The following HNRNPUL1 variants were observed in gnomAD, a reference collection of about 807,000 sequenced individuals.
HNRNPUL1 encodes heterogeneous nuclear ribonucleoprotein U-like protein 1.
In HNRNPUL1, 14 loss-of-function variants were observed where a neutral mutation model predicts 108.5. That is an observed-to-expected ratio of 0.13 (90% CI 0.09 to 0.20). The LOEUF is 0.20. Ranked by LOEUF, HNRNPUL1 falls within the 10% of genes least tolerant of loss-of-function variation. HNRNPUL1 has a pLI of 1.00. For missense variants in HNRNPUL1, 804 were observed against 1,168.3 expected (o/e 0.69, Z 4.55); for synonymous variants, 422 against 445.2 (o/e 0.95, Z 0.66).
Position 41,294,809 on chromosome 19 carries a change from G to C in HNRNPUL1, c.1518+123G>C. Reference sequence around the variant, plus strand: ...GATGATGGACTGCTGTGCTAGTCGGGGGGGTCAGACCTTGTCATACATGAT... The same window carrying C: ...GATGATGGACTGCTGTGCTAGTCGGCGGGGTCAGACCTTGTCATACATGAT... On this transcript the variant is annotated intron_variant, in intron 10 of 14. Coordinates refer to ENST00000392006, the MANE Select transcript of HNRNPUL1 (RefSeq NM_007040.6). The surrounding 1 kb of genome is among the most constrained non-coding windows in gnomAD (Gnocchi z 4.3). The C allele has an allele frequency of 8.3e-7, 1 of 1,200,772 alleles. No homozygotes were observed. The highest frequency in any genetic ancestry group is 1.2e-6 in the Non-Finnish European group (1 of 842,450). The allele number at this position is 1,200,772 out of a possible 1,614,324, so 74.4% of individuals were successfully genotyped here.
At chr19:41,297,804 C>A (rs2036976982) in intron 10 of HNRNPUL1, among the ~76,000 whole-genome samples, 1 of 152,188 alleles carries the variant, frequency 6.6e-6, no homozygotes, top group South Asian at 2.1e-4. Flanking sequence ...TCATTTGCAT[C>A]CTGGTCAGCA....
In HNRNPUL1 at chr19:41,306,823, T is replaced by A; in HGVS notation, c.*258T>A. ...CCCACCTCCCCAGCCTTCCACCTCC[T>A]GTTCTTCCTACCTTCTTCCTTTTTG... On this transcript the variant is annotated 3_prime_UTR_variant, in exon 15 of 15. Coordinates refer to ENST00000392006, the MANE Select transcript of HNRNPUL1 (RefSeq NM_007040.6). 1 of 328,054 alleles carries A rather than the reference T, an allele frequency of 3.0e-6. No homozygotes were observed. Among genetic ancestry groups the A allele is most frequent in the Non-Finnish European group, 5.6e-6 (1 of 179,198 alleles). 20.3% of individuals were successfully genotyped at this position (328,054 alleles called of 1,614,324 possible).
At position 41,304,042 on chromosome 19, in the gene HNRNPUL1, C is replaced by T. The variant is rs140483335; in HGVS notation, c.2043C>T (p.Asn681=). 172 of 1,613,972 alleles carry T rather than the reference C, an allele frequency of 1.1e-4. No homozygotes were observed. In the African/African-American group the frequency reaches 1.9e-3, roughly 18 times the overall value. ...GTAACAACAACCGGGATAACAACAACTCCAACAACAGAGGCAGCTACAACC... is the reference window on the plus strand; with the variant it reads ...GTAACAACAACCGGGATAACAACAATTCCAACAACAGAGGCAGCTACAACC... The part of the protein sequence containing the change: ...RWGNNNRDNN[N]SNNRGSYNRA... Residue 681 remains asparagine, a synonymous_variant, in exon 13 of 15, where the codon AAC becomes AAT. Coordinates refer to ENST00000392006, the MANE Select transcript of HNRNPUL1 (RefSeq NM_007040.6).
intron 2 of HNRNPUL1, among the ~76,000 whole-genome samples, chr19:41,271,769 C>A (rs1162136913): frequency 3.3e-5 from 5 of 152,110 alleles, no homozygotes; most frequent in Admixed American, 3.3e-4. Flanking sequence ...ACCACAGTAC[C>A]CTGTTGAATT....
chr19:41,285,059 A>G (rs78749085), intron 7 of HNRNPUL1, among the ~76,000 whole-genome samples: 1,686 of 152,180 alleles, frequency 0.011, 20 homozygotes, highest in Non-Finnish European at 0.017. Context: ...AAGTCATTAT[A>G]TATGACAACA....
chr19:41,283,793 G>A lies in HNRNPUL1; in HGVS notation c.999+2518G>A, dbSNP rs539684941. On this transcript the variant is annotated intron_variant, in intron 7 of 14. Coordinates refer to ENST00000392006, the MANE Select transcript of HNRNPUL1 (RefSeq NM_007040.6). Reference sequence around the variant, plus strand: ...TTTTTAGTAGAGATGGGGTTTCACCGTGTTGGCCAAGCTGGTCTTGAACTC... The same window carrying A: ...TTTTTAGTAGAGATGGGGTTTCACCATGTTGGCCAAGCTGGTCTTGAACTC... Among the ~76,000 whole-genome samples the A allele has an allele frequency of 5.7e-4, 86 of 152,156 alleles. 1 individual carries two copies. The highest frequency in any genetic ancestry group is 1.1e-3 in the Non-Finnish European group (76 of 67,984).
chr19:41,285,250 A>G (rs182530506), intron 7 of HNRNPUL1, among the ~76,000 whole-genome samples: 1 of 152,284 alleles, frequency 6.6e-6, no homozygotes, highest in East Asian at 1.9e-4. Flanking sequence ...GAGAAGGGAT[A>G]TCTGCCTGAA....
chr19:41,264,989 C>T lies in HNRNPUL1; in HGVS notation c.295+191C>T, dbSNP rs370517663. 3 of 1,388,122 alleles carry T rather than the reference C, an allele frequency of 2.2e-6. No individual in the cohort carries two copies. The Admixed American group carries it at 1.0e-4, about 47-fold the overall frequency. 86.0% of individuals were successfully genotyped at this position (1,388,122 alleles called of 1,614,324 possible). A position where few individuals can be genotyped will look rare whatever the true frequency, so the allele number is the denominator to read the frequency against. ...GGAGGGTGGATCCTGACACTCAGTG[C>T]AGGGGGGACACTGGGGGAGGGGCCT... On this transcript the variant is annotated intron_variant, in intron 1 of 14. Transcript: ENST00000392006.
At chr19:41,265,198 C>A in intron 1 of HNRNPUL1, 1 of 1,498,580 alleles carries the variant, frequency 6.7e-7, no homozygotes, top group South Asian at 1.3e-5. Flanking sequence ...GGCGGTCGTG[C>A]TAGCCCAGCG....
At chr19:41,288,803 G>A (rs975364374) in intron 7 of HNRNPUL1, among the ~76,000 whole-genome samples, 3 of 151,946 alleles carry the variant, frequency 2.0e-5, no homozygotes, top group Non-Finnish European at 4.4e-5. Flanking sequence ...AGATAAATGC[G>A]GCTTGTCTTT....
intron 13 of HNRNPUL1, 69 bp downstream of exon 13, chr19:41,304,330 G>A: frequency 6.5e-7 from 1 of 1,530,526 alleles, no homozygotes; most frequent in Non-Finnish European, 8.8e-7. Flanking sequence ...CAAGTTAGGT[G>A]GAGGCGGATC....
intron 5 of HNRNPUL1, among the ~76,000 whole-genome samples, chr19:41,277,096 C>CA (rs569222478): frequency 0.069 from 6,976 of 100,456 alleles, 389 homozygotes; most frequent in African/African-American, 0.18. Flanking sequence ...GACTCTGTCT[C>CA]AAAAAAAAAA....
chr19:41,306,775 T>G lies in HNRNPUL1; in HGVS notation c.*210T>G, dbSNP rs1392350815. On this transcript the variant is annotated 3_prime_UTR_variant, in exon 15 of 15. Transcript: ENST00000392006. ...TTTTCTGGATTCAAACAGGCAACAA[T>G]GACCTTTTATTTTCTGTTTGTCCCC... 2.5e-6 allele frequency: 1 copy of G among 398,414 alleles called. No homozygotes were observed. The highest frequency in any genetic ancestry group is 4.5e-6 in the Non-Finnish European group (1 of 223,972). 24.7% of individuals were successfully genotyped at this position (398,414 alleles called of 1,614,324 possible). A position where few individuals can be genotyped will look rare whatever the true frequency, so the allele number is the denominator to read the frequency against.
intron 10 of HNRNPUL1, among the ~76,000 whole-genome samples, chr19:41,299,571 C>T (rs1568456724): frequency 6.6e-6 from 1 of 152,200 alleles, no homozygotes; most frequent in Non-Finnish European, 1.5e-5. Context: ...TTTCACTGCC[C>T]ACTCCTTTGG....
chr19:41,271,399 C>T (rs2035229635), intron 2 of HNRNPUL1, among the ~76,000 whole-genome samples: 2 of 152,140 alleles, frequency 1.3e-5, no homozygotes, highest in Admixed American at 6.5e-5. Context: ...CCATCCCAGC[C>T]CTAGAGAACC....
At chr19:41,279,213 G>T in intron 6 of HNRNPUL1, 37 bp downstream of exon 6, 1 of 1,402,618 alleles carries the variant, frequency 7.1e-7, no homozygotes, top group Admixed American at 1.7e-5. Context: ...AGAGAATAGA[G>T]TGACTGTCCC....
rs2034694729 is a variant in HNRNPUL1, at chr19:41,264,631, ACGACGAGCGGGAGCT to A, written c.134_148del (p.Glu45_Asp49del). On this transcript the variant is annotated inframe_deletion, in exon 1 of 15. Transcript: ENST00000392006. ...GCGGCGTTGGAGGCCGAGGAGCCTG[ACGACGAGCGGGAGCT>A]CGACGCCGACGACGAACCGGGGCGA... 6.3e-7 allele frequency: 1 copy of A among 1,584,624 alleles called. No individual in the cohort carries two copies. The highest frequency in any genetic ancestry group is 1.7e-5 in the Admixed American group (1 of 58,968).
At chr19:41,281,110 G>A in intron 6 of HNRNPUL1, 53 bp from the exon 7 acceptor site, 2 of 1,102,622 alleles carry the variant, frequency 1.8e-6, no homozygotes, top group African/African-American at 1.5e-5. Flanking sequence ...CAGCCATTGA[G>A]GCTGTTATGA....
chr19:41,282,692 CTTT>C (rs57909999), intron 7 of HNRNPUL1, among the ~76,000 whole-genome samples: 3 of 141,422 alleles, frequency 2.1e-5, no homozygotes, highest in Admixed American at 1.4e-4. Context: ...TTCTTTTTTT[CTTT>C]TTTTTTTTTT....
Sources: allele counts gnomAD v4.1 joint callset (sites outside exome capture counted in the v4.1 genomes callset), GRCh38; gene constraint gnomAD v4.1.1; non-coding constraint Gnocchi (gnomAD v3.1); transcripts MANE v1.5; gene names NCBI Gene and HGNC (gene_info 2026-07-23, HGNC 2026-07-21).